The following TNFSF13B variants were observed in gnomAD, a reference collection of about 807,000 sequenced individuals.
The protein encoded by TNFSF13B is TNF superfamily member 13b.
In TNFSF13B, 8 loss-of-function variants were observed where a neutral mutation model predicts 29.1. That is an observed-to-expected ratio of 0.27 (90% CI 0.16 to 0.50). The LOEUF (loss-of-function observed/expected upper bound fraction) is 0.50, where lower values mean the gene tolerates loss of function less well. TNFSF13B is among the 20% of genes least tolerant of loss of function. The pLI, the probability that TNFSF13B is intolerant of heterozygous loss-of-function variation, is 0.98. For synonymous variants in TNFSF13B, 125 were observed against 130.8 expected (o/e 0.96, Z 0.30); for missense variants, 248 against 334.9 (o/e 0.74, Z 2.03).
intron 2 of TNFSF13B, among the ~76,000 whole-genome samples, chr13:108,279,248 G>C (rs1439870240): frequency 2.6e-5 from 4 of 152,090 alleles, no homozygotes; most frequent in South Asian, 4.1e-4. Flanking sequence ...ATTTGTGAAT[G>C]GTTGTCCTTA....
intron 2 of TNFSF13B, among the ~76,000 whole-genome samples, chr13:108,284,338 ATAAAT>A (rs1238039975): frequency 7.6e-6 from 1 of 131,346 alleles, no homozygotes; most frequent in Non-Finnish European, 1.6e-5. Flanking sequence ...CAAAAAATAA[ATAAAT>A]AAATAAATAA....
At chr13:108,288,576 A>G (rs1392558391) in intron 3 of TNFSF13B, among the ~76,000 whole-genome samples, 1 of 152,214 alleles carries the variant, frequency 6.6e-6, no homozygotes, top group African/African-American at 2.4e-5. Flanking sequence ...ACTGGAATGA[A>G]GTATGATTTC....
chr13:108,285,634 C>T (rs1480059037), intron 2 of TNFSF13B, among the ~76,000 whole-genome samples: 1 of 152,148 alleles, frequency 6.6e-6, no homozygotes, highest in Non-Finnish European at 1.5e-5. Context: ...TATGCAGTTT[C>T]TCATTGACCT....
chr13:108,286,986 CT>C (rs1328639293), intron 3 of TNFSF13B, 127 bp downstream of exon 3: 4 of 419,328 alleles, frequency 9.5e-6, no homozygotes, highest in Non-Finnish European at 1.3e-5. Context: ...AGTTCATGTC[CT>C]TTGTAGGGAC....
intron 3 of TNFSF13B, among the ~76,000 whole-genome samples, chr13:108,301,571 T>C (rs966180563): frequency 1.3e-5 from 2 of 152,094 alleles, no homozygotes; most frequent in South Asian, 2.1e-4. Flanking sequence ...ATCTGACATA[T>C]ATGTGGAATC....
At chr13:108,291,607 A>G (rs1881315156) in intron 3 of TNFSF13B, among the ~76,000 whole-genome samples, 1 of 151,798 alleles carries the variant, frequency 6.6e-6, no homozygotes, top group Non-Finnish European at 1.5e-5. Context: ...GTTTTCTTTT[A>G]TTTTTGGATT....
intron 3 of TNFSF13B, among the ~76,000 whole-genome samples, chr13:108,294,717 C>G (rs1881420721): frequency 9.1e-6 from 1 of 109,444 alleles, no homozygotes; most frequent in African/African-American, 3.7e-5. Flanking sequence ...CAGTGTAACT[C>G]TAGACATACA....
At chr13:108,305,940 A>G (rs1023123404) in intron 5 of TNFSF13B, among the ~76,000 whole-genome samples, 4 of 152,138 alleles carry the variant, frequency 2.6e-5, no homozygotes, top group South Asian at 2.1e-4. Flanking sequence ...GAAACAATGA[A>G]ACTATTCTAA....
At chr13:108,302,802 C>T in intron 3 of TNFSF13B, 1 of 985,880 alleles carries the variant, frequency 1.0e-6, no homozygotes, top group Non-Finnish European at 1.2e-6. Flanking sequence ...ACATTTGGGC[C>T]AAGGAATGGA....
intron 3 of TNFSF13B, among the ~76,000 whole-genome samples, chr13:108,293,557 A>G (rs1881384556): frequency 1.3e-5 from 2 of 152,214 alleles, no homozygotes; most frequent in African/African-American, 4.8e-5. Flanking sequence ...ATCCATGAAC[A>G]CAAGATATCT....
chr13:108,291,818 T>C (rs1347092905), intron 3 of TNFSF13B, among the ~76,000 whole-genome samples: 1 of 152,082 alleles, frequency 6.6e-6, no homozygotes, highest in East Asian at 1.9e-4. Context: ...CATCATAATG[T>C]GCTATACTGT....
intron 4 of TNFSF13B, 25 bp downstream of exon 4, chr13:108,303,390 T>C (rs1881684179): frequency 6.2e-7 from 1 of 1,610,634 alleles, no homozygotes; most frequent in Non-Finnish European, 8.5e-7. Context: ...TAATTCTGGT[T>C]TTACTGTTCA....
chr13:108,285,361 A>G (rs578232954), intron 2 of TNFSF13B, among the ~76,000 whole-genome samples: 13 of 152,308 alleles, frequency 8.5e-5, no homozygotes, highest in African/African-American at 3.1e-4. Context: ...TCTCAGGGAT[A>G]CATTCTGCAT....
At chr13:108,285,871 T>C (rs1881112747) in intron 2 of TNFSF13B, among the ~76,000 whole-genome samples, 2 of 152,254 alleles carry the variant, frequency 1.3e-5, no homozygotes, top group African/African-American at 2.4e-5. Context: ...TTCTGTTTCA[T>C]ATTTTTCACA....
At chr13:108,272,777 G>A (rs1182975898) in intron 2 of TNFSF13B, among the ~76,000 whole-genome samples, 2 of 151,624 alleles carry the variant, frequency 1.3e-5, no homozygotes, top group African/African-American at 4.8e-5. Flanking sequence ...GTAGGGTCAG[G>A]ATCCTTCAAT....
chr13:108,303,957 A>G (rs893238874), intron 5 of TNFSF13B, among the ~76,000 whole-genome samples: 2 of 152,194 alleles, frequency 1.3e-5, no homozygotes, highest in African/African-American at 2.4e-5. Flanking sequence ...AATAACAACA[A>G]TAATAATATC....
chr13:108,283,835 C>A (rs1881034184), intron 2 of TNFSF13B, among the ~76,000 whole-genome samples: 1 of 152,112 alleles, frequency 6.6e-6, no homozygotes, highest in Admixed American at 6.6e-5. Flanking sequence ...GGCAAGCTAG[C>A]CCTTTGGGAT....
chr13:108,269,777 G>C lies in TNFSF13B; in HGVS notation c.-119G>C. On this transcript the variant is annotated 5_prime_UTR_variant, in exon 1 of 6. An upstream open reading frame in the 5' UTR loses its in-frame stop. Coordinates refer to ENST00000375887, the MANE Select transcript of TNFSF13B (RefSeq NM_006573.5). ...ATTCAGGATAACTCTCCTGAGGGGT[G>C]AGCCAAGCCCTGCCATGTAGTGCAC... 1 of 945,316 alleles carries C rather than the reference G, an allele frequency of 1.1e-6. No individual in the cohort carries two copies. Among genetic ancestry groups the C allele is most frequent in the Non-Finnish European group, 1.6e-6 (1 of 628,152 alleles). 58.6% of individuals were successfully genotyped at this position (945,316 alleles called of 1,614,324 possible).
chr13:108,280,455 C>G (rs1199342539), intron 2 of TNFSF13B, among the ~76,000 whole-genome samples: 1 of 152,148 alleles, frequency 6.6e-6, no homozygotes, highest in Admixed American at 6.5e-5. Context: ...TTCATACATT[C>G]AACTGTTTTT....
Sources: allele counts gnomAD v4.1 joint callset (sites outside exome capture counted in the v4.1 genomes callset), GRCh38; gene constraint gnomAD v4.1.1; transcripts MANE v1.5; gene names NCBI Gene and HGNC (gene_info 2026-07-23, HGNC 2026-07-21).